Variants in GALNT16 observed in about 807,000 individuals in gnomAD.
The protein encoded by GALNT16 is UDP-GalNAc:polypeptide N-acetylgalactosaminyltransferase-like protein 1.
GALNT16 carries 40 observed loss-of-function variants against 76.1 expected under a neutral mutation model. The observed-to-expected ratio is 0.53, with a 90% CI of 0.41 to 0.68. The LOEUF is 0.68. Ranked by LOEUF, GALNT16 falls within the 30% of genes least tolerant of loss-of-function variation. The pLI is 0.00. For synonymous variants in GALNT16, 276 were observed against 285.2 expected (o/e 0.97, Z 0.32); for missense variants, 621 against 731.9 (o/e 0.85, Z 1.75).
chr14:69,291,637 A>G (rs2044688570), intron 1 of GALNT16, among the ~76,000 whole-genome samples: 1 of 152,188 alleles, frequency 6.6e-6, no homozygotes, highest in Non-Finnish European at 1.5e-5. Flanking sequence ...CTCAGGAGGA[A>G]AGGGAGTGGG....
At chr14:69,372,681 G>C in the GALNT16 span, among the ~76,000 whole-genome samples, 1 of 151,878 alleles carries the variant, frequency 6.6e-6, no homozygotes, top group African/African-American at 2.4e-5. Context: ...TTTCTAAGAA[G>C]GAAAGAAGTA....
chr14:69,338,504 TGG>T, intron 9 of GALNT16, 145 bp from the exon 10 acceptor site: 1 of 1,012,980 alleles, frequency 9.9e-7, no homozygotes, highest in Non-Finnish European at 1.4e-6. Context: ...GTGCAAGGAG[TGG>T]GAGCACTCCA....
chr14:69,376,920 CTTG>C, the GALNT16 span, among the ~76,000 whole-genome samples: 1 of 152,158 alleles, frequency 6.6e-6, no homozygotes, highest in Non-Finnish European at 1.5e-5. Context: ...GTTAGTGGCT[CTTG>C]TTGTACATGA....
intron 4 of GALNT16, 113 bp from the exon 5 acceptor site, chr14:69,325,849 C>A (rs2045275636): frequency 3.7e-6 from 3 of 809,600 alleles, no homozygotes; most frequent in Non-Finnish European, 4.3e-6. Flanking sequence ...CTTCCCAATC[C>A]CCATCCCCAA....
intron 9 of GALNT16, among the ~76,000 whole-genome samples, chr14:69,337,277 A>G (rs78842058): frequency 0.038 from 5,813 of 152,204 alleles, 137 homozygotes; most frequent in South Asian, 0.055. Context: ...AACAACTTTG[A>G]GCTTCAACGT....
At chr14:69,331,837 C>T (rs1175450029) in intron 7 of GALNT16, among the ~76,000 whole-genome samples, 2 of 152,226 alleles carry the variant, frequency 1.3e-5, no homozygotes, top group Non-Finnish European at 2.9e-5. Context: ...TTCCCAAATG[C>T]TGCCAGCCTA....
chr14:69,312,054 A>AATCTATC (rs1555399252), intron 1 of GALNT16, among the ~76,000 whole-genome samples: 1 of 125,718 alleles, frequency 8.0e-6, no homozygotes, highest in Non-Finnish European at 1.7e-5. Flanking sequence ...AAAAAAAAAA[A>AATCTATC]ATCTGTCTAT....
chr14:69,327,656 T>C (rs566281361), intron 5 of GALNT16, among the ~76,000 whole-genome samples: 1 of 152,158 alleles, frequency 6.6e-6, no homozygotes, highest in Non-Finnish European at 1.5e-5. Context: ...GCTAGGGAAA[T>C]GTCTCCAAGG....
chr14:69,362,131 C>A, the GALNT16 span, among the ~76,000 whole-genome samples: 2 of 152,224 alleles, frequency 1.3e-5, no homozygotes, highest in African/African-American at 2.4e-5. Flanking sequence ...TGCCTTGGGG[C>A]CAGGCATCTT....
chr14:69,335,656 G>A (rs117059661), intron 9 of GALNT16, among the ~76,000 whole-genome samples: 3,413 of 152,264 alleles, frequency 0.022, 56 homozygotes, highest in Non-Finnish European at 0.036. Flanking sequence ...TCTGGCAAGG[G>A]TTTTGTTTCT....
chr14:69,383,738 G>A, the GALNT16 span, among the ~76,000 whole-genome samples: 1 of 152,124 alleles, frequency 6.6e-6, no homozygotes, highest in African/African-American at 2.4e-5. Flanking sequence ...AATACTGTAG[G>A]TGGGAAGAAT....
the GALNT16 span, among the ~76,000 whole-genome samples, chr14:69,379,712 G>A: frequency 6.6e-6 from 1 of 152,000 alleles, no homozygotes; most frequent in African/African-American, 2.4e-5. Context: ...ACTTTTTTGT[G>A]GTTTTTCCCT....
intron 6 of GALNT16, among the ~76,000 whole-genome samples, chr14:69,329,514 C>T (rs1391123548): frequency 6.6e-6 from 1 of 152,180 alleles, no homozygotes; most frequent in Non-Finnish European, 1.5e-5. Flanking sequence ...ACCAGGATGG[C>T]TAGAATCCAA....
intron 1 of GALNT16, among the ~76,000 whole-genome samples, chr14:69,268,328 A>G (rs770977916): frequency 3.7e-4 from 57 of 152,236 alleles, no homozygotes; most frequent in Admixed American, 5.2e-4. Context: ...TTGTTTATAA[A>G]AACTGGTTTC....
intron 1 of GALNT16, among the ~76,000 whole-genome samples, chr14:69,303,466 G>GT (rs1469269021): frequency 6.6e-6 from 1 of 152,144 alleles, no homozygotes; most frequent in Non-Finnish European, 1.5e-5. Flanking sequence ...TAAAGTAGCA[G>GT]TAAGCTGTAC....
At chr14:69,260,952 T>C (rs2044261388) in intron 1 of GALNT16, among the ~76,000 whole-genome samples, 1 of 151,680 alleles carries the variant, frequency 6.6e-6, no homozygotes, top group South Asian at 2.1e-4. Flanking sequence ...GGGAAGGCTC[T>C]CTAGGCGCTG....
chr14:69,333,560 G>T lies in GALNT16; in HGVS notation c.927G>T (p.Lys309Asn). The T allele has an allele frequency of 6.2e-7, 1 of 1,606,002 alleles. No homozygotes were observed. The highest frequency in any genetic ancestry group is 8.5e-7 in the Non-Finnish European group (1 of 1,175,646). ...AGTCCTGGTTTAACCACTTGGGAAA[G>T]TATGATGCCCAGATGGACATCTGGG... The part of the protein sequence containing the change: ...IDKSWFNHLG[K>N]YDAQMDIWGG... Residue 309 changes from lysine (K) to asparagine (N), a missense_variant, in exon 9 of 15, where the codon AAG becomes AAT. Transcript: ENST00000448469. The surrounding 1 kb of genome is among the most constrained non-coding windows in gnomAD (Gnocchi z 4.2).
At chr14:69,305,625 GT>G (rs915229062) in intron 1 of GALNT16, among the ~76,000 whole-genome samples, 8 of 151,246 alleles carry the variant, frequency 5.3e-5, no homozygotes, top group African/African-American at 1.9e-4. Context: ...TTTTGTTTTT[GT>G]TTTTTTTAAC....
the GALNT16 span, among the ~76,000 whole-genome samples, chr14:69,375,613 A>T: frequency 2.9e-3 from 436 of 152,024 alleles, 1 homozygote; most frequent in African/African-American, 0.01. Context: ...CTTTTTTTTT[A>T]AAGTGATTTC....
Sources: gnomAD v4.1 joint callset for allele counts (sites outside exome capture counted in the v4.1 genomes callset) on GRCh38, gnomAD v4.1.1 for gene constraint, Gnocchi (gnomAD v3.1) non-coding constraint, MANE v1.5 for transcripts, NCBI Gene and HGNC (gene_info 2026-07-23, HGNC 2026-07-21) for gene names.